ANKRD12: variants seen among roughly 807,000 people sequenced by gnomAD.
ANKRD12 encodes the protein ankyrin repeat domain 12.
A neutral mutation model predicts 183.4 loss-of-function variants in ANKRD12; 85 were observed. That is an observed-to-expected ratio of 0.46 (90% CI 0.39 to 0.56). The LOEUF (loss-of-function observed/expected upper bound fraction) is 0.56. ANKRD12 is among the 20% of genes least tolerant of loss of function. ANKRD12 has a pLI of 0.00. For missense variants in ANKRD12, 2,405 were observed against 2,357.1 expected (o/e 1.02, Z -0.42); for synonymous variants, 914 against 800.2 (o/e 1.14, Z -2.40).
At chr18:9,234,214 C>T (rs1427628430) in intron 8 of ANKRD12, among the ~76,000 whole-genome samples, 1 of 152,208 alleles carries the variant, frequency 6.6e-6, no homozygotes, top group Non-Finnish European at 1.5e-5. Context: ...AGGCAGCTCT[C>T]TGTTTCGCTC....
At chr18:9,251,016 T>A (rs1036550628) in intron 8 of ANKRD12, among the ~76,000 whole-genome samples, 4 of 152,190 alleles carry the variant, frequency 2.6e-5, no homozygotes, top group African/African-American at 4.8e-5. Context: ...TATGGTATAT[T>A]TAGTTTTGTA....
chr18:9,260,414 C>G (rs944068739), intron 9 of ANKRD12: 2 of 152,136 alleles, frequency 1.3e-5, no homozygotes, highest in African/African-American at 2.4e-5. Flanking sequence ...TTTGTTTTTC[C>G]TTCCAGTACT....
intron 3 of ANKRD12, among the ~76,000 whole-genome samples, chr18:9,204,013 A>G (rs1295446162): frequency 6.6e-6 from 1 of 152,244 alleles, no homozygotes; most frequent in Admixed American, 6.5e-5. Context: ...TGAAGTGTAT[A>G]TAATTTGTGG....
intron 6 of ANKRD12, among the ~76,000 whole-genome samples, chr18:9,216,346 G>A (rs989730054): frequency 1.3e-5 from 2 of 151,930 alleles, no homozygotes; most frequent in African/African-American, 4.8e-5. Context: ...TTTTTCTTAC[G>A]ATTTTGTTAA....
intron 1 of ANKRD12, among the ~76,000 whole-genome samples, chr18:9,153,670 T>G (rs1209780396): frequency 6.6e-6 from 1 of 152,200 alleles, no homozygotes; most frequent in African/African-American, 2.4e-5. Flanking sequence ...TATGGAAAAA[T>G]TATTGGTCAT....
chr18:9,240,280 A>G (rs1160985351), intron 8 of ANKRD12, among the ~76,000 whole-genome samples: 2 of 152,130 alleles, frequency 1.3e-5, no homozygotes, highest in African/African-American at 4.8e-5. Context: ...GGCACTTTTA[A>G]ATTTGCATAA....
chr18:9,267,806 C>A (rs2039382119), intron 10 of ANKRD12, among the ~76,000 whole-genome samples: 6 of 152,050 alleles, frequency 3.9e-5, no homozygotes, highest in Admixed American at 3.9e-4. Context: ...ACACAAAAAA[C>A]CCTTCAAAAA....
At chr18:9,261,176 A>G (rs1367256392) in intron 9 of ANKRD12, among the ~76,000 whole-genome samples, 1 of 152,166 alleles carries the variant, frequency 6.6e-6, no homozygotes, top group African/African-American at 2.4e-5. Context: ...GTCTGTTCAC[A>G]CAGAGCAGCA....
In ANKRD12 at chr18:9,277,574, GC is replaced by G. The variant is rs1361006969; in HGVS notation, c.5907+1909del. On this transcript the variant is annotated intron_variant, in intron 11 of 12. Transcript: ENST00000262126. ...GATCTCCTGACCTCGTGATCCACCCGCCTCGGCCTCCCAAAGTGCTAGGATT... is the reference window on the plus strand; with the variant it reads ...GATCTCCTGACCTCGTGATCCACCCGCTCGGCCTCCCAAAGTGCTAGGATT... 2.3e-3 allele frequency among the ~76,000 whole-genome samples: 350 copies of G among 151,862 alleles called. 2 individuals carry two copies. Among genetic ancestry groups the G allele is most frequent in the African/African-American group, 8.1e-3 (334 of 41,430 alleles).
At chr18:9,216,666 G>T in intron 6 of ANKRD12, 92 bp from the exon 7 acceptor site, 1 of 1,318,322 alleles carries the variant, frequency 7.6e-7, no homozygotes, top group Non-Finnish European at 1.0e-6. Context: ...TGCAGTTTTA[G>T]AATTTATATG....
intron 12 of ANKRD12, 133 bp from the exon 13 acceptor site, chr18:9,280,807 TG>T: frequency 1.2e-6 from 1 of 802,990 alleles, no homozygotes; most frequent in Non-Finnish European, 2.0e-6. Flanking sequence ...AAGAAAGAAA[TG>T]GACTTGTAAT....
At position 9,161,180 on chromosome 18, in the gene ANKRD12, A is replaced by G. The variant is rs188084692; in HGVS notation, c.-51-21202A>G. ...ACCTTAGTTCAGTCAGAGGGAAGCT[A>G]TCCTTCTCCATGACCTCCAATACCT... On this transcript the variant is annotated intron_variant, in intron 1 of 12. Transcript: ENST00000262126. 4.6e-5 allele frequency among the ~76,000 whole-genome samples: 7 copies of G among 152,110 alleles called. No individual in the cohort carries two copies. The East Asian group carries it at 5.8e-4, about 13-fold the overall frequency.
intron 1 of ANKRD12, among the ~76,000 whole-genome samples, chr18:9,170,162 A>G (rs934789580): frequency 6.6e-6 from 1 of 151,982 alleles, no homozygotes; most frequent in African/African-American, 2.4e-5. Context: ...CCTTCATTTC[A>G]ACTTTGGTGA....
chr18:9,267,393 T>C (rs992117169), intron 10 of ANKRD12, among the ~76,000 whole-genome samples: 2 of 152,110 alleles, frequency 1.3e-5, no homozygotes, highest in African/African-American at 2.4e-5. Flanking sequence ...TCAGGAAATG[T>C]GAAAGAACAG....
intron 10 of ANKRD12, among the ~76,000 whole-genome samples, chr18:9,267,555 G>A (rs546713601): frequency 4.6e-5 from 7 of 152,142 alleles, no homozygotes; most frequent in South Asian, 2.1e-4. Context: ...CAGAAATAAC[G>A]ATGTTCTTTG....
intron 1 of ANKRD12, among the ~76,000 whole-genome samples, chr18:9,177,018 G>A (rs568182474): frequency 2.0e-5 from 3 of 152,082 alleles, no homozygotes. Flanking sequence ...CTAATTTTAA[G>A]GGAAGAAACA....
At chr18:9,259,683 T>C (rs2038855174) in intron 9 of ANKRD12, 1 of 152,188 alleles carries the variant, frequency 6.6e-6, no homozygotes. Context: ...AATTTTTATT[T>C]TTTAATGAGA....
At chr18:9,187,209 T>C (rs1330271164) in intron 2 of ANKRD12, among the ~76,000 whole-genome samples, 2 of 151,956 alleles carry the variant, frequency 1.3e-5, no homozygotes, top group Non-Finnish European at 2.9e-5. Flanking sequence ...GAGAATTGCT[T>C]GAGGCCAGGA....
At chr18:9,235,675 C>T (rs555834899) in intron 8 of ANKRD12, 6 of 456,218 alleles carry the variant, frequency 1.3e-5, no homozygotes, top group East Asian at 1.4e-4. Context: ...CCAAGCTCAG[C>T]GGAGCAAGTT....
Sources: gnomAD v4.1 joint callset for allele counts (sites outside exome capture counted in the v4.1 genomes callset) on GRCh38, gnomAD v4.1.1 for gene constraint, MANE v1.5 for transcripts, NCBI Gene and HGNC (gene_info 2026-07-23, HGNC 2026-07-21) for gene names.